Variants in DACH1 observed in about 807,000 individuals in gnomAD.
DACH1 encodes the protein dachshund family transcription factor 1, also known as dachshund homolog 1.
Under a neutral mutation model 54.2 loss-of-function variants are expected in DACH1, and 12 were observed. That is an observed-to-expected ratio of 0.22 (90% CI 0.14 to 0.36). The LOEUF (loss-of-function observed/expected upper bound fraction) is 0.36, where lower values mean the gene tolerates loss of function less well. Ranked by LOEUF, DACH1 falls within the 10% of genes least tolerant of loss-of-function variation. The pLI, the probability that DACH1 is intolerant of heterozygous loss-of-function variation, is 1.00. For synonymous variants in DACH1, 386 were observed against 366.2 expected (o/e 1.05, Z -0.62); for missense variants, 805 against 929.8 (o/e 0.87, Z 1.75).
intron 6 of DACH1, among the ~76,000 whole-genome samples, chr13:71,503,108 T>C (rs1880052199): frequency 6.6e-6 from 1 of 152,198 alleles, no homozygotes; most frequent in Non-Finnish European, 1.5e-5. Context: ...TTTCTTCAAG[T>C]CATACCTAGA....
At chr13:71,621,223 A>G (rs910997535) in intron 3 of DACH1, among the ~76,000 whole-genome samples, 33 of 152,134 alleles carry the variant, frequency 2.2e-4, no homozygotes, top group Non-Finnish European at 2.2e-4. Context: ...CGAACAATTT[A>G]TCAACAGCTT....
At chr13:71,733,179 T>G (rs1883827925) in intron 1 of DACH1, among the ~76,000 whole-genome samples, 1 of 152,246 alleles carries the variant, frequency 6.6e-6, no homozygotes, top group African/African-American at 2.4e-5. Flanking sequence ...TATTGTTTTT[T>G]GAGACGGAGT....
At chr13:71,808,239 A>C (rs1566513396) in intron 1 of DACH1, among the ~76,000 whole-genome samples, 1 of 152,130 alleles carries the variant, frequency 6.6e-6, no homozygotes, top group African/African-American at 2.4e-5. Flanking sequence ...TCTATTTCAT[A>C]GTTGTAATGC....
At chr13:71,865,647 C>A (rs1428071520) in intron 1 of DACH1, among the ~76,000 whole-genome samples, 1 of 152,122 alleles carries the variant, frequency 6.6e-6, no homozygotes, top group Non-Finnish European at 1.5e-5. Context: ...CCCCGAGGCT[C>A]GGCTTTCCCA....
chr13:71,781,520 A>C (rs977786869), intron 1 of DACH1, among the ~76,000 whole-genome samples: 1 of 151,844 alleles, frequency 6.6e-6, no homozygotes, highest in Admixed American at 6.6e-5. Context: ...CTGAGACTAC[A>C]GGCACCCGCC....
At chr13:71,673,066 A>G (rs1034336587) in intron 2 of DACH1, among the ~76,000 whole-genome samples, 30 of 152,324 alleles carry the variant, frequency 2.0e-4, no homozygotes, top group African/African-American at 6.3e-4. Context: ...TGTAATTCTT[A>G]GTGCAGACCA....
At chr13:71,702,512 T>G (rs1882190743) in intron 1 of DACH1, among the ~76,000 whole-genome samples, 1 of 152,184 alleles carries the variant, frequency 6.6e-6, no homozygotes, top group Non-Finnish European at 1.5e-5. Flanking sequence ...TACTTTAAAT[T>G]TATTTTTCCT....
intron 1 of DACH1, among the ~76,000 whole-genome samples, chr13:71,779,482 C>G (rs1373384347): frequency 6.6e-6 from 1 of 151,058 alleles, no homozygotes; most frequent in Non-Finnish European, 1.5e-5. Flanking sequence ...GCAAAATATA[C>G]TTTGAGTAAG....
intron 3 of DACH1, among the ~76,000 whole-genome samples, chr13:71,616,443 T>C (rs1389837924): frequency 6.6e-6 from 1 of 152,180 alleles, no homozygotes; most frequent in Non-Finnish European, 1.5e-5. Context: ...CTTATTTTGT[T>C]TTTCTCTAAA....
intron 1 of DACH1, among the ~76,000 whole-genome samples, chr13:71,751,260 T>C (rs1436771658): frequency 6.6e-6 from 1 of 152,180 alleles, no homozygotes; most frequent in Non-Finnish European, 1.5e-5. Flanking sequence ...CCCTGATCAA[T>C]TCTGCCAGCT....
At chr13:71,855,224 T>A (rs1167323281) in intron 1 of DACH1, among the ~76,000 whole-genome samples, 2 of 152,044 alleles carry the variant, frequency 1.3e-5, no homozygotes, top group African/African-American at 4.8e-5. Flanking sequence ...TAAAAAGTCT[T>A]TGGAATTCTT....
intron 6 of DACH1, among the ~76,000 whole-genome samples, chr13:71,517,050 T>C (rs944235931): frequency 2.0e-5 from 3 of 151,824 alleles, no homozygotes; most frequent in African/African-American, 7.2e-5. Flanking sequence ...TTTCAACTTA[T>C]ATTCATCTTT....
At chr13:71,698,024 A>AT (rs1881918632) in intron 1 of DACH1, among the ~76,000 whole-genome samples, 1 of 152,162 alleles carries the variant, frequency 6.6e-6, no homozygotes, top group Non-Finnish European at 1.5e-5. Flanking sequence ...AATTAAAAAC[A>AT]TTTTTAAGAC....
Position 71,557,270 on chromosome 13 carries a change from A to G in DACH1, c.1436-112T>C, listed in dbSNP as rs904858222. On this transcript the variant is annotated intron_variant, in intron 5 of 10. Coordinates refer to ENST00000613252, the MANE Select transcript of DACH1 (RefSeq NM_080759.6). The stretch of plus-strand genomic sequence containing the variant: ...GGACTCAACAGTAACTATAATATTA[A>G]TATAATGGTCTACCTTTAAATTTAT... The G allele has an allele frequency of 6.0e-4, 440 of 734,780 alleles. 3 individuals are homozygous for G. The highest frequency in any genetic ancestry group is 2.4e-4 in the Admixed American group (6 of 24,634). The allele number at this position is 734,780 out of a possible 1,614,324, so 45.5% of individuals were successfully genotyped here.
At chr13:71,497,340 T>A (rs1041033149) in intron 6 of DACH1, among the ~76,000 whole-genome samples, 4 of 151,952 alleles carry the variant, frequency 2.6e-5, no homozygotes, top group African/African-American at 9.7e-5. Context: ...TTTCTTCCTT[T>A]TTTTTTTTGA....
chr13:71,755,333 C>A (rs1566480895), intron 1 of DACH1, among the ~76,000 whole-genome samples: 2 of 152,122 alleles, frequency 1.3e-5, no homozygotes, highest in African/African-American at 4.8e-5. Flanking sequence ...ACATGGACCC[C>A]AATCAGAAAA....
chr13:71,483,381 A>G (rs1475875741), intron 7 of DACH1, among the ~76,000 whole-genome samples: 2 of 146,954 alleles, frequency 1.4e-5, no homozygotes, highest in African/African-American at 2.5e-5. Context: ...TAAATTATGT[A>G]TCAATAATTA....
intron 1 of DACH1, among the ~76,000 whole-genome samples, chr13:71,703,666 G>A (rs1882278308): frequency 6.6e-6 from 1 of 151,612 alleles, no homozygotes; most frequent in African/African-American, 2.4e-5. Flanking sequence ...TATGTGAAAA[G>A]AAACTCAAAG....
intron 1 of DACH1, among the ~76,000 whole-genome samples, chr13:71,851,472 G>T (rs1445968064): frequency 6.6e-6 from 1 of 152,112 alleles, no homozygotes; most frequent in Non-Finnish European, 1.5e-5. Flanking sequence ...TGGCTTAAAA[G>T]AATAGTTTCT....
Sources: allele counts gnomAD v4.1 joint callset (sites outside exome capture counted in the v4.1 genomes callset), GRCh38; gene constraint gnomAD v4.1.1; transcripts MANE v1.5; gene names NCBI Gene and HGNC (gene_info 2026-07-23, HGNC 2026-07-21).